IGHMBP2: variants seen among roughly 807,000 people sequenced by gnomAD.
IGHMBP2 encodes the protein DNA-binding protein SMUBP-2.
IGHMBP2 carries 81 observed loss-of-function variants against 96.0 expected under a neutral mutation model. The ratio of observed to expected loss-of-function variants is 0.84; its 90% CI spans 0.71 to 1.01. The LOEUF is 1.01. Among genes scored for constraint, IGHMBP2 ranks in the 50% least tolerant of loss-of-function variants. The pLI, the probability that IGHMBP2 is intolerant of heterozygous loss-of-function variation, is 0.00. For missense variants in IGHMBP2, 1,227 were observed against 1,306.3 expected, an observed-to-expected ratio of 0.94 and a Z score of 0.94; for synonymous variants, 557 against 548.9, an observed-to-expected ratio of 1.01 and a Z score of -0.21.
chr11:68,928,925 G>A (rs879324487), intron 7 of IGHMBP2, among the ~76,000 whole-genome samples: 2 of 152,242 alleles, frequency 1.3e-5, no homozygotes, highest in Admixed American at 6.5e-5. Flanking sequence ...TCACAGCCCC[G>A]AAGGGGTGAT....
chr11:68,922,662 G>A (rs1258803964), intron 7 of IGHMBP2, among the ~76,000 whole-genome samples: 5 of 152,154 alleles, frequency 3.3e-5, no homozygotes, highest in African/African-American at 9.7e-5. Flanking sequence ...CCAGAGTGGT[G>A]GGATTACAGG....
At chr11:68,912,144 A>G (rs1319253980) in intron 5 of IGHMBP2, among the ~76,000 whole-genome samples, 2 of 152,134 alleles carry the variant, frequency 1.3e-5, no homozygotes, top group Non-Finnish European at 2.9e-5. Context: ...TATTTTTTGG[A>G]GACGGAGCCT....
intron 7 of IGHMBP2, among the ~76,000 whole-genome samples, chr11:68,927,631 A>G (rs1200185151): frequency 6.6e-6 from 1 of 152,188 alleles, no homozygotes; most frequent in Non-Finnish European, 1.5e-5. Flanking sequence ...TGGTTATCCT[A>G]TCATTTGCTC....
intron 8 of IGHMBP2, chr11:68,933,079 C>T (rs1859377653): frequency 1.7e-6 from 1 of 594,602 alleles, no homozygotes; most frequent in South Asian, 2.0e-5. Context: ...CTGCAGCGTC[C>T]CTGTTGTCCT....
intron 10 of IGHMBP2, 71 bp from the exon 11 acceptor site, chr11:68,934,393 A>C: frequency 9.3e-7 from 1 of 1,080,686 alleles, no homozygotes; most frequent in Non-Finnish European, 1.4e-6. Context: ...ACGTGCCCGA[A>C]ACACGTGTTG....
rs1594460667 is a variant in IGHMBP2, at chr11:68,940,057, G to A, written c.*326G>A. The stretch of plus-strand genomic sequence containing the variant: ...GTTCCAGTCCCTGGAGAATACCCAG[G>A]GCCTCAAACTTGAAGTCACTCCTCC... On this transcript the variant is annotated 3_prime_UTR_variant, in exon 15 of 15. Coordinates refer to ENST00000255078, the MANE Select transcript of IGHMBP2 (RefSeq NM_002180.3). The A allele has an allele frequency of 2.8e-6, 1 of 362,194 alleles. No individual in the cohort carries two copies. Among genetic ancestry groups the A allele is most frequent in the Admixed American group, 4.4e-5 (1 of 22,796 alleles). 22.4% of individuals were successfully genotyped at this position (362,194 alleles called of 1,614,324 possible). A position where few individuals can be genotyped will look rare whatever the true frequency, so the allele number is the denominator to read the frequency against.
Position 68,939,554 on chromosome 11 carries a change from G to A in IGHMBP2, c.2805G>A (p.Arg935=). The change falls in exon 15 of 15, where the codon AGG becomes AGA. Residue 935 remains arginine, a synonymous_variant. Transcript: ENST00000255078. ...CCCAGATCCATGGCTGCGGTGAGAG[G>A]GCTCGCGCCCATGCCCGGCAGAGAA... ...HLPEIHGCGE[R]ARAHARQRIS... is the part of the protein sequence containing the mutation. 1 of 1,612,234 alleles carries A rather than the reference G, an allele frequency of 6.2e-7. No homozygotes were observed.
intron 6 of IGHMBP2, among the ~76,000 whole-genome samples, chr11:68,917,171 G>A (rs1001706790): frequency 6.6e-5 from 10 of 151,756 alleles, no homozygotes; most frequent in African/African-American, 9.7e-5. Context: ...TAGAGACAGC[G>A]TTTCACTGTG....
intron 8 of IGHMBP2, 66 bp from the exon 9 acceptor site, chr11:68,933,233 G>A (rs645436): frequency 1.7e-5 from 25 of 1,494,894 alleles, no homozygotes; most frequent in Non-Finnish European, 2.3e-5. Context: ...CTCCTCACTT[G>A]CTGTGGTTCA....
At chr11:68,929,963 G>T in intron 8 of IGHMBP2, 1 of 1,044,886 alleles carries the variant, frequency 9.6e-7, no homozygotes, top group Non-Finnish European at 1.2e-6. Context: ...AGAAAGTGCT[G>T]CCCGCCCCCC....
intron 7 of IGHMBP2, among the ~76,000 whole-genome samples, chr11:68,927,959 G>A (rs371918955): frequency 2.0e-5 from 3 of 152,310 alleles, no homozygotes; most frequent in South Asian, 2.1e-4. Flanking sequence ...CCGAGCTCCC[G>A]TGCTGACGGG....
chr11:68,905,711 C>G lies in IGHMBP2; in HGVS notation c.87-358C>G, dbSNP rs140654744. Among the ~76,000 whole-genome samples the G allele has an allele frequency of 5.4e-4, 82 of 152,228 alleles. 7 individuals carry two copies. Among genetic ancestry groups the G allele is most frequent in the Admixed American group, 4.8e-3 (73 of 15,296 alleles). On this transcript the variant is annotated intron_variant, in intron 1 of 14. Transcript: ENST00000255078. ...AGGTAGTTGAGAGGCTCTGTTTAGT[C>G]CAGGTGAGCAGTGATGTGGATTTGA... is the stretch of plus-strand genomic sequence containing the variant.
rs770556515 is a variant in IGHMBP2 at position 68,938,237 on chromosome 11, C to T, written c.2667C>T (p.Ala889=). The part of the protein sequence containing the change: ...TEEDFEALVS[A]AVKADNTCGF... ...AGGACTTTGAGGCCCTGGTTTCTGC[C>T]GCCGTTAAGGCTGATAACACCTGCG... The change falls in exon 14 of 15, where the codon GCC becomes GCT. Residue 889 remains alanine, a synonymous_variant. Coordinates refer to ENST00000255078, the MANE Select transcript of IGHMBP2 (RefSeq NM_002180.3). The T allele has an allele frequency of 1.4e-5, 22 of 1,613,952 alleles. No homozygotes were observed. The highest frequency in any genetic ancestry group is 9.9e-5 in the South Asian group (9 of 91,090).
At position 68,915,948 on chromosome 11, in the gene IGHMBP2, C is replaced by T. The variant is rs554393474; in HGVS notation, c.912+925C>T. Among the ~76,000 whole-genome samples the T allele has an allele frequency of 2.0e-5, 3 of 151,610 alleles. No homozygotes were observed. In the East Asian group the frequency reaches 5.9e-4, roughly 30 times the overall value. On this transcript the variant is annotated intron_variant, in intron 6 of 14. Coordinates refer to ENST00000255078, the MANE Select transcript of IGHMBP2 (RefSeq NM_002180.3). The stretch of plus-strand genomic sequence containing the variant: ...CAGCACTTTGGGAGGCCGAGGTGGG[C>T]GGAACAGTTGAGGTCAGGAGTTCGA...
chr11:68,936,918 C>A lies in IGHMBP2; in HGVS notation c.2438C>A (p.Ala813Glu), dbSNP rs779854653. The change falls in exon 13 of 15, where the codon GCG (alanine) becomes GAG (glutamate). Residue 813 changes from alanine (A) to glutamate (E), a missense_variant. Around this residue, in one of 3 missense-constraint regions of IGHMBP2, gnomAD observed 703 missense variants for 770.3 expected, o/e 0.91. Coordinates refer to ENST00000255078, the MANE Select transcript of IGHMBP2 (RefSeq NM_002180.3). ...CTCCAGCCAGTGCCCCCTACCCCTG[C>A]GCAGACAGAGCAGCCTCCCAGGGAG... is the stretch of plus-strand genomic sequence containing the variant. ...APLQPVPPTP[A>E]QTEQPPREQR... The A allele has an allele frequency of 1.2e-6, 2 of 1,604,856 alleles. No individual in the cohort carries two copies. The highest frequency in any genetic ancestry group is 1.7e-6 in the Non-Finnish European group (2 of 1,176,132).
Position 68,939,707 on chromosome 11 carries a change from C to A in IGHMBP2, c.2958C>A (p.Ser986Arg). The A allele has an allele frequency of 6.2e-7, 1 of 1,611,354 alleles. No individual in the cohort carries two copies. The highest frequency in any genetic ancestry group is 8.5e-7 in the Non-Finnish European group (1 of 1,179,230). The change falls in exon 15 of 15, where the codon AGC becomes AGA. Residue 986 changes from serine (S) to arginine (R), a missense_variant. Ser to Arg is a moderately radical substitution (Grantham distance 110). Coordinates refer to ENST00000255078, the MANE Select transcript of IGHMBP2 (RefSeq NM_002180.3). Reference protein sequence around the residue: ...KLSELSNQRTSRRKERGT With the variant: ...KLSELSNQRTRRRKERGT ...GTGAGCTCAGCAACCAGAGGACCAG[C>A]CGGAGGAAGGAGAGGGGGACGTGAC...
chr11:68,934,637 T>G, intron 11 of IGHMBP2, 79 bp downstream of exon 11: 1 of 1,154,832 alleles, frequency 8.7e-7, no homozygotes, highest in Non-Finnish European at 1.3e-6. Flanking sequence ...AAGGGTGATT[T>G]GTTGGCTGTG....
chr11:68,914,871 C>A lies in IGHMBP2; in HGVS notation c.760C>A (p.Arg254Ser). The A allele has an allele frequency of 6.2e-7, 1 of 1,614,250 alleles. No homozygotes were observed. The highest frequency in any genetic ancestry group is 1.1e-5 in the South Asian group (1 of 91,090). Residue 254 changes from arginine (R) to serine (S), a missense_variant, in exon 6 of 15, where the codon CGC becomes AGC. By Grantham distance (110) the Arg-to-Ser change is moderately radical. Transcript: ENST00000255078. Reference sequence around the variant, plus strand: ...CATCGCCGTGGACAATCTGGTGGAGCGCCTGGCTCTGTGTAAGCAGCGGAT... The same window carrying A: ...CATCGCCGTGGACAATCTGGTGGAGAGCCTGGCTCTGTGTAAGCAGCGGAT... ...SNIAVDNLVE[R>S]LALCKQRILR... is the part of the protein sequence containing the mutation.
chr11:68,923,700 G>A (rs1290953831), intron 7 of IGHMBP2, among the ~76,000 whole-genome samples: 1 of 152,232 alleles, frequency 6.6e-6, no homozygotes, highest in African/African-American at 2.4e-5. Flanking sequence ...GAGTTTGACT[G>A]GTGGGATTAG....
Sources: allele counts gnomAD v4.1 joint callset (sites outside exome capture counted in the v4.1 genomes callset), GRCh38; gene constraint gnomAD v4.1.1; regional missense constraint gnomAD v4.1.1; transcripts MANE v1.5; gene names NCBI Gene and HGNC (gene_info 2026-07-23, HGNC 2026-07-21).